Variants in LRRC36 observed in about 807,000 individuals in gnomAD.
The protein encoded by LRRC36 is leucine-rich repeat-containing protein 36.
A neutral mutation model predicts 81.1 loss-of-function variants in LRRC36; 62 were observed. That is an observed-to-expected ratio of 0.76 (90% CI 0.62 to 0.94). LRRC36 has a LOEUF of 0.94. Among genes scored for constraint, LRRC36 ranks in the 40% least tolerant of loss-of-function variants. The pLI, the probability that LRRC36 is intolerant of heterozygous loss-of-function variation, is 0.00. For synonymous variants in LRRC36, 334 were observed against 348.6 expected (o/e 0.96, Z 0.47); for missense variants, 761 against 881.7 (o/e 0.86, Z 1.73).
rs187888341 is a variant in LRRC36 at position 67,361,668 on chromosome 16, G to A, written c.578-1922G>A. The stretch of plus-strand genomic sequence containing the variant: ...GCTCACAGCAACCTCTGCTTCCCGG[G>A]TTCAAGCGATTCTCCTGCCTCAGCC... On this transcript the variant is annotated intron_variant, in intron 5 of 13. Transcript: ENST00000329956. Among the ~76,000 whole-genome samples the A allele has an allele frequency of 4.5e-4, 68 of 152,230 alleles. No individual in the cohort carries two copies. The East Asian group carries it at 0.013, about 29-fold the overall frequency.
At chr16:67,329,972 T>C (rs2037404002) in intron 1 of LRRC36, among the ~76,000 whole-genome samples, 1 of 152,156 alleles carries the variant, frequency 6.6e-6, no homozygotes, top group Non-Finnish European at 1.5e-5. Flanking sequence ...AATTGGTTGA[T>C]GTATGTCTTA....
Position 67,366,154 on chromosome 16 carries a change from T to A in LRRC36, c.754+799T>A, listed in dbSNP as rs563759351. The stretch of plus-strand genomic sequence containing the variant: ...TCCCACTTCCTTCTCTCTTTTTTTT[T>A]AATTTTTTTTATTTTTGAGACAAGT... On this transcript the variant is annotated intron_variant, in intron 7 of 13. Coordinates refer to ENST00000329956, the MANE Select transcript of LRRC36 (RefSeq NM_018296.6). Among the ~76,000 whole-genome samples the A allele has an allele frequency of 1.6e-3, 241 of 152,076 alleles. 2 individuals are homozygous for A. Among genetic ancestry groups the A allele is most frequent in the African/African-American group, 5.5e-3 (228 of 41,468 alleles).
At chr16:67,361,029 C>T (rs1030600097) in intron 5 of LRRC36, among the ~76,000 whole-genome samples, 3 of 152,134 alleles carry the variant, frequency 2.0e-5, no homozygotes, top group African/African-American at 7.2e-5. Context: ...AATATGACAA[C>T]CTAATAGAAT....
chr16:67,366,316 TA>T (rs2039383653), intron 7 of LRRC36, among the ~76,000 whole-genome samples: 1 of 151,950 alleles, frequency 6.6e-6, no homozygotes, highest in Non-Finnish European at 1.5e-5. Context: ...CCTGGCTAAT[TA>T]AAAAAATTTT....
chr16:67,365,117 G>C, intron 6 of LRRC36, 187 bp from the exon 7 acceptor site: 1 of 538,736 alleles, frequency 1.9e-6, no homozygotes, highest in Non-Finnish European at 3.3e-6. Context: ...AGCAACTCTG[G>C]AATCTCCTTG....
At chr16:67,352,641 T>TCTTA (rs2038702388) in intron 5 of LRRC36, among the ~76,000 whole-genome samples, 1 of 148,324 alleles carries the variant, frequency 6.7e-6, no homozygotes, top group Non-Finnish European at 1.5e-5. Flanking sequence ...TAAATAAATG[T>TCTTA]CTTATTTATT....
At chr16:67,340,632 G>A (rs1236976727) in intron 1 of LRRC36, among the ~76,000 whole-genome samples, 1 of 151,662 alleles carries the variant, frequency 6.6e-6, no homozygotes, top group Non-Finnish European at 1.5e-5. Flanking sequence ...CTCCAGCTTG[G>A]GCGAAAGAGC....
In LRRC36 at chr16:67,343,475, T is replaced by C. The variant is rs560191455; in HGVS notation, c.198+1391T>C. 8.6e-5 allele frequency among the ~76,000 whole-genome samples: 13 copies of C among 152,016 alleles called. No homozygotes were observed. The South Asian group carries it at 2.7e-3, about 32-fold the overall frequency. ...ACTTTGGGAGGCCAAGGTGGGTGGA[T>C]CCCGAAGTCAGGAGTTCGAGACCAG... On this transcript the variant is annotated intron_variant, in intron 2 of 13. Coordinates refer to ENST00000329956, the MANE Select transcript of LRRC36 (RefSeq NM_018296.6).
At chr16:67,327,717 T>G (rs1258602025) in intron 1 of LRRC36, among the ~76,000 whole-genome samples, 1 of 152,022 alleles carries the variant, frequency 6.6e-6, no homozygotes, top group African/African-American at 2.4e-5. Context: ...GAAAGAAAGC[T>G]TAAGACTCAA....
At chr16:67,342,639 G>T (rs1487418755) in intron 2 of LRRC36, among the ~76,000 whole-genome samples, 1 of 152,192 alleles carries the variant, frequency 6.6e-6, no homozygotes, top group Non-Finnish European at 1.5e-5. Context: ...TGTGCGTGTG[G>T]ATTAGCAAAC....
In LRRC36 at chr16:67,342,194, A is replaced by G. The variant is rs1256230176; in HGVS notation, c.198+110A>G. 18 of 610,630 alleles carry G rather than the reference A, an allele frequency of 2.9e-5. No homozygotes were observed. The Admixed American group carries it at 4.3e-4, about 15-fold the overall frequency. 37.8% of individuals were successfully genotyped at this position (610,630 alleles called of 1,614,324 possible). A position where few individuals can be genotyped will look rare whatever the true frequency, so the allele number is the denominator to read the frequency against. ...GGGGAATATAAGACCTTCCCTTTAA[A>G]TGATTCCCAACTAAATTTAATTATT... On this transcript the variant is annotated intron_variant, in intron 2 of 13. Transcript: ENST00000329956.
intron 13 of LRRC36, 75 bp from the exon 14 acceptor site, chr16:67,384,795 G>A: frequency 9.6e-7 from 1 of 1,042,790 alleles, no homozygotes; most frequent in Non-Finnish European, 1.5e-6. Flanking sequence ...TTTGCCTTTG[G>A]GAGACATTTT....
At chr16:67,375,996 G>T (rs2039876251) in intron 10 of LRRC36, among the ~76,000 whole-genome samples, 1 of 152,122 alleles carries the variant, frequency 6.6e-6, no homozygotes, top group Admixed American at 6.6e-5. Context: ...AATTTCGTTG[G>T]TGGTAAAATT....
rs78010550 is a variant in LRRC36 at position 67,371,240 on chromosome 16, G to A, written c.1492G>A (p.Glu498Lys). ...TGGTTTCCAAGATGCTACAGGCAGC[G>A]AGGCAAGTGTTGGCTTGTTTGTGTT... is the stretch of plus-strand genomic sequence containing the variant. Reference protein sequence around the residue: ...KHGFQDATGSEPLSSDLGSLH... With the variant: ...KHGFQDATGSKPLSSDLGSLH... The change falls in exon 9 of 14, where the codon GAG (glutamate) becomes AAG (lysine). Residue 498 changes from glutamate (E) to lysine (K), a missense_variant and splice_region_variant. Glu to Lys is a moderately conservative substitution (Grantham distance 56). Around this residue, in one of 3 missense-constraint regions of LRRC36, gnomAD observed 359 missense variants for 388.4 expected, o/e 0.92. Transcript: ENST00000329956. The A allele has an allele frequency of 2.3e-4, 376 of 1,614,194 alleles. 1 individual carries two copies. The African/African-American group carries it at 4.0e-3, about 17-fold the overall frequency.
chr16:67,382,749 C>A (rs1316488718), intron 13 of LRRC36, among the ~76,000 whole-genome samples: 1 of 152,150 alleles, frequency 6.6e-6, no homozygotes, highest in South Asian at 2.1e-4. Flanking sequence ...TTTGGGAGGC[C>A]GAGGCAGGTG....
rs1275149984 is a variant in LRRC36, at chr16:67,366,010, C to T, written c.754+655C>T. Among the ~76,000 whole-genome samples, 6 of 152,086 alleles carry T rather than the reference C, an allele frequency of 3.9e-5. No homozygotes were observed. In the South Asian group the frequency reaches 8.3e-4, roughly 21 times the overall value. On this transcript the variant is annotated intron_variant, in intron 7 of 13. Transcript: ENST00000329956. ...CAGTGGCACATACTTTAATGTAGGT[C>T]TATTAGTGATGAGCTCTTTCAGCTT...
At chr16:67,361,980 C>G (rs1466320584) in intron 5 of LRRC36, among the ~76,000 whole-genome samples, 1 of 151,908 alleles carries the variant, frequency 6.6e-6, no homozygotes. Flanking sequence ...CGTGTAATCC[C>G]AACACTTTAG....
rs768122936 is a variant in LRRC36, at chr16:67,378,750, A to G, written c.1930+38A>G. The G allele has an allele frequency of 3.1e-6, 5 of 1,606,338 alleles. No homozygotes were observed. The African/African-American group carries it at 6.7e-5, about 22-fold the overall frequency. On this transcript the variant is annotated intron_variant, in intron 12 of 13. Coordinates refer to ENST00000329956, the MANE Select transcript of LRRC36 (RefSeq NM_018296.6). ...AAGCCATGATATATGAGGCCTCTCA[A>G]GACAACTGTTTGTTTATAGATGACC...
intron 12 of LRRC36, among the ~76,000 whole-genome samples, chr16:67,380,064 A>C (rs1429633944): frequency 6.6e-6 from 1 of 152,132 alleles, no homozygotes; most frequent in Non-Finnish European, 1.5e-5. Flanking sequence ...GAAGGAAAAG[A>C]CCCTAGAATC....
Sources: allele counts gnomAD v4.1 joint callset (sites outside exome capture counted in the v4.1 genomes callset), GRCh38; gene constraint gnomAD v4.1.1; regional missense constraint gnomAD v4.1.1; transcripts MANE v1.5; gene names NCBI Gene and HGNC (gene_info 2026-07-23, HGNC 2026-07-21).